Variants in ATP2C2 observed in about 807,000 individuals in gnomAD.
The protein encoded by ATP2C2 is ATPase secretory pathway Ca2+ transporting 2, also known as calcium-transporting ATPase type 2C member 2.
In ATP2C2, 171 loss-of-function variants were observed where a neutral mutation model predicts 110.8. The ratio of observed to expected loss-of-function variants is 1.54; its 90% CI spans 1.36 to 1.75. ATP2C2 has a LOEUF of 1.75. Ranked by LOEUF, ATP2C2 falls within the 40% of genes most tolerant of loss-of-function variation. ATP2C2 has a pLI of 0.00. For synonymous variants in ATP2C2, 804 were observed against 508.4 expected (o/e 1.58, Z -7.82); for missense variants, 1,963 against 1,235.0 (o/e 1.59, Z -8.84).
At chr16:84,399,653 G>T (rs1905201291) in intron 2 of ATP2C2, among the ~76,000 whole-genome samples, 2 of 151,994 alleles carry the variant, frequency 1.3e-5, no homozygotes, top group South Asian at 4.2e-4. Context: ...GTACATAGTA[G>T]GTGCATATTT....
Position 84,368,713 on chromosome 16 carries a change from T to G in ATP2C2, c.98T>G (p.Leu33Trp). ...QALEKDEEEALIDEQSELKAI... is the reference protein window; with the variant it reads ...QALEKDEEEAWIDEQSELKAI... ...CTGGAGAAGGACGAAGAGGAAGCCT[T>G]GGTGAGTCCCCGCGACTCCGCGCCG... The change falls in exon 1 of 27, where the codon TTG (leucine) becomes TGG (tryptophan). Residue 33 changes from leucine (L) to tryptophan (W), a missense_variant and splice_region_variant. Leu to Trp is a moderately conservative substitution (Grantham distance 61). Transcript: ENST00000262429. 6.5e-7 allele frequency: 1 copy of G among 1,536,686 alleles called. No individual in the cohort carries two copies. Among genetic ancestry groups the G allele is most frequent in the Non-Finnish European group, 8.7e-7 (1 of 1,144,008 alleles).
At chr16:84,406,814 A>T (rs1156496089) in intron 3 of ATP2C2, among the ~76,000 whole-genome samples, 1 of 151,526 alleles carries the variant, frequency 6.6e-6, no homozygotes, top group East Asian at 1.9e-4. Context: ...CTGCCCTGGC[A>T]CCCCTTCCAC....
At position 84,453,311 on chromosome 16, in the gene ATP2C2, C is replaced by G. The variant is rs768800581; in HGVS notation, c.1930-10C>G. On this transcript the variant is annotated splice_polypyrimidine_tract_variant and intron_variant, in intron 19 of 26. Coordinates refer to ENST00000262429, the MANE Select transcript of ATP2C2 (RefSeq NM_014861.4). ...ATCTGATTCTTCGTCTTCCCCGTCTCCGTGTCCAGGTGTCCGTGTTCTTCA... is the reference window on the plus strand; with the variant it reads ...ATCTGATTCTTCGTCTTCCCCGTCTGCGTGTCCAGGTGTCCGTGTTCTTCA... 1 of 1,614,156 alleles carries G rather than the reference C, an allele frequency of 6.2e-7. No individual in the cohort carries two copies. Among genetic ancestry groups the G allele is most frequent in the South Asian group, 1.1e-5 (1 of 91,076 alleles).
At chr16:84,393,149 C>T (rs1013598002) in intron 1 of ATP2C2, among the ~76,000 whole-genome samples, 2 of 152,156 alleles carry the variant, frequency 1.3e-5, no homozygotes, top group African/African-American at 2.4e-5. Context: ...GGGGCCGTAC[C>T]AGAGTCTGTA....
intron 1 of ATP2C2, among the ~76,000 whole-genome samples, chr16:84,370,277 C>T (rs554836990): frequency 6.6e-6 from 1 of 152,294 alleles, no homozygotes; most frequent in African/African-American, 2.4e-5. Context: ...GTGTGCTCTC[C>T]CACCTGGCTG....
chr16:84,383,707 C>A (rs888938806), intron 1 of ATP2C2, among the ~76,000 whole-genome samples: 6 of 142,402 alleles, frequency 4.2e-5, no homozygotes, highest in Non-Finnish European at 9.3e-5. Context: ...AAATTGCAGA[C>A]ATGATGCTGT....
chr16:84,449,039 A>C (rs1910017164), intron 17 of ATP2C2, among the ~76,000 whole-genome samples: 1 of 152,196 alleles, frequency 6.6e-6, no homozygotes, highest in African/African-American at 2.4e-5. Context: ...TCAGTCAAGG[A>C]ACATATTTTT....
chr16:84,436,763 G>GTTTTTTTTT (rs10651589), intron 11 of ATP2C2, among the ~76,000 whole-genome samples: 1 of 124,108 alleles, frequency 8.1e-6, no homozygotes, highest in African/African-American at 3.1e-5. Flanking sequence ...AGCGAAGGCT[G>GTTTTTTTTT]TTTTTTTTTT....
intron 1 of ATP2C2, among the ~76,000 whole-genome samples, chr16:84,396,220 G>A (rs1490140117): frequency 9.7e-6 from 1 of 103,626 alleles, no homozygotes; most frequent in Admixed American, 1.1e-4. Flanking sequence ...TTCAAGCATC[G>A]GGCGTGTGTG....
chr16:84,415,494 G>A lies in ATP2C2; in HGVS notation c.527G>A (p.Gly176Glu). Reference sequence around the variant, plus strand: ...CATGTCAAATGCAGCCTAAGAGAAGGAAAACTCCAGCACCTGCTTGCTCGA... The same window carrying A: ...CATGTCAAATGCAGCCTAAGAGAAGAAAAACTCCAGCACCTGCTTGCTCGA... The part of the protein sequence containing the change: ...VPPECNCLRE[G>E]KLQHLLAREL... Residue 176 changes from glycine (G) to glutamate (E), a missense_variant, in exon 7 of 27, where the codon GGA becomes GAA. By Grantham distance (98) the Gly-to-Glu change is moderately conservative. Coordinates refer to ENST00000262429, the MANE Select transcript of ATP2C2 (RefSeq NM_014861.4). The A allele has an allele frequency of 6.2e-7, 1 of 1,614,002 alleles. No individual in the cohort carries two copies. Among genetic ancestry groups the A allele is most frequent in the East Asian group, 2.2e-5 (1 of 44,892 alleles).
intron 10 of ATP2C2, among the ~76,000 whole-genome samples, chr16:84,424,783 A>G (rs943612633): frequency 6.6e-6 from 1 of 151,980 alleles, no homozygotes; most frequent in Non-Finnish European, 1.5e-5. Context: ...CAAGCTACTA[A>G]TGTATAGACA....
chr16:84,453,752 G>A (rs980161332), intron 20 of ATP2C2, among the ~76,000 whole-genome samples: 1 of 152,198 alleles, frequency 6.6e-6, no homozygotes, highest in Non-Finnish European at 1.5e-5. Context: ...TGGGAGAACT[G>A]GGGGACCTTT....
At position 84,459,397 on chromosome 16, in the gene ATP2C2, G is replaced by A. The variant is rs550147894; in HGVS notation, c.2333+11G>A. ...GCCACCGGCGCAGAGGTGAGGCAGG[G>A]CCGGCTGGGAGCCCTGTGTCTCTTT... On this transcript the variant is annotated intron_variant, in intron 23 of 26. Transcript: ENST00000262429. 4.3e-6 allele frequency: 7 copies of A among 1,612,838 alleles called. No homozygotes were observed. The African/African-American group carries it at 8.0e-5, about 18-fold the overall frequency.
intron 1 of ATP2C2, among the ~76,000 whole-genome samples, chr16:84,390,360 C>T (rs1904577924): frequency 6.6e-6 from 1 of 152,188 alleles, no homozygotes; most frequent in Non-Finnish European, 1.5e-5. Flanking sequence ...ACTTCGTGGT[C>T]CCCTCGGGAG....
intron 4 of ATP2C2, among the ~76,000 whole-genome samples, chr16:84,408,841 T>C (rs1331618515): frequency 6.6e-6 from 1 of 151,328 alleles, no homozygotes; most frequent in East Asian, 1.9e-4. Flanking sequence ...TACCGAGAGG[T>C]AACCACTGAG....
intron 4 of ATP2C2, among the ~76,000 whole-genome samples, chr16:84,409,101 G>A (rs1488217203): frequency 6.6e-6 from 1 of 152,110 alleles, no homozygotes; most frequent in Non-Finnish European, 1.5e-5. Flanking sequence ...ACCTATTCTG[G>A]ATATGTCACT....
Position 84,405,223 on chromosome 16 carries a change from G to A in ATP2C2, c.306G>A (p.Val102=). ...TTGTTGCTGACAACAGCGAACCTGT[G>A]TGGAAGAAATACCTGGATCAGGTAG... ...NEFVADNSEP[V]WKKYLDQFKN... Residue 102 remains valine (V), a synonymous_variant, in exon 3 of 27, where the codon GTG becomes GTA. Transcript: ENST00000262429. The A allele has an allele frequency of 6.2e-7, 1 of 1,613,964 alleles. No homozygotes were observed. The highest frequency in any genetic ancestry group is 8.5e-7 in the Non-Finnish European group (1 of 1,179,886).
chr16:84,444,858 G>A (rs766706211), intron 15 of ATP2C2, among the ~76,000 whole-genome samples: 9 of 152,242 alleles, frequency 5.9e-5, no homozygotes, highest in Non-Finnish European at 1.0e-4. Flanking sequence ...CATGGGGCAA[G>A]CACTTTGTGG....
chr16:84,380,141 G>A (rs894751141), intron 1 of ATP2C2, among the ~76,000 whole-genome samples: 30 of 152,116 alleles, frequency 2.0e-4, no homozygotes, highest in African/African-American at 6.8e-4. Flanking sequence ...CCTGTGATCT[G>A]GGAGGTGCCT....
Sources: allele counts gnomAD v4.1 joint callset (sites outside exome capture counted in the v4.1 genomes callset), GRCh38; gene constraint gnomAD v4.1.1; transcripts MANE v1.5; gene names NCBI Gene and HGNC (gene_info 2026-07-23, HGNC 2026-07-21).